SPMAP2: variants seen among roughly 807,000 people sequenced by gnomAD.
The protein encoded by SPMAP2 is sperm microtubule associated protein 2, also known as Theg homolog.
chr19:368,012 C>T, the SPMAP2 span, among the ~76,000 whole-genome samples: 252 of 152,200 alleles, frequency 1.7e-3, no homozygotes, highest in East Asian at 7.1e-3. This position sits in a 1 kb window ranked among gnomAD's most constrained non-coding sequence, Gnocchi z 4.1. Flanking sequence ...CAGTGCTGGC[C>T]GAGGCGGGAG....
chr19:367,180 C>A, the SPMAP2 span: 42 of 1,607,568 alleles, frequency 2.6e-5, no homozygotes, highest in Non-Finnish European at 3.2e-5. Flanking sequence ...GGAGGATCCG[C>A]GAGCTGGGGA....
the SPMAP2 span, chr19:362,213 C>A: frequency 3.9e-6 from 6 of 1,547,990 alleles, no homozygotes; most frequent in Non-Finnish European, 5.2e-6. Flanking sequence ...GAGGCCAGGC[C>A]TGGGTTGATC....
chr19:372,896 C>T, the SPMAP2 span, among the ~76,000 whole-genome samples: 1 of 152,186 alleles, frequency 6.6e-6, no homozygotes, highest in African/African-American at 2.4e-5. Context: ...GGACAATGGG[C>T]TCAGAGGCTT....
At chr19:362,279 C>A in the SPMAP2 span, 1 of 1,599,932 alleles carries the variant, frequency 6.3e-7, no homozygotes. Context: ...GAGGGGACGC[C>A]TGTCGTATCC....
At chr19:373,369 A>G in the SPMAP2 span, 1 of 1,123,710 alleles carries the variant, frequency 8.9e-7, no homozygotes, top group Non-Finnish European at 1.3e-6. Flanking sequence ...CTCCGAGGAG[A>G]TGGGGCAAGG....
At chr19:373,025 T>G in the SPMAP2 span, among the ~76,000 whole-genome samples, 1 of 152,126 alleles carries the variant, frequency 6.6e-6, no homozygotes. Flanking sequence ...AAAATGGGTT[T>G]TGTTCTGAAG....
chr19:365,689 C>G, the SPMAP2 span, among the ~76,000 whole-genome samples: 1 of 137,358 alleles, frequency 7.3e-6, no homozygotes, highest in Non-Finnish European at 1.5e-5. Flanking sequence ...TGAGCACACA[C>G]AGCCACACAC....
the SPMAP2 span, chr19:373,968 T>A: frequency 6.2e-7 from 1 of 1,613,632 alleles, no homozygotes; most frequent in Non-Finnish European, 8.5e-7. Context: ...AAGCTCATCT[T>A]ACATGGGGAG....
At chr19:369,866 T>G in the SPMAP2 span, among the ~76,000 whole-genome samples, 392 of 152,304 alleles carry the variant, frequency 2.6e-3, 2 homozygotes, top group African/African-American at 8.4e-3. Context: ...CAAATCACAA[T>G]AGTGGAATAT....
At chr19:364,346 AAAAAAAAAAAGAAAGAAAAAAAAAG>A in the SPMAP2 span, among the ~76,000 whole-genome samples, 3 of 151,170 alleles carry the variant, frequency 2.0e-5, no homozygotes, top group Admixed American at 6.6e-5. Flanking sequence ...CAAAAAAAAA[AAAAAAAAAAAGAAAGAAAAAAAAAG>A]AAAAAATATT....
chr19:372,519 T>C, the SPMAP2 span: 5 of 1,062,702 alleles, frequency 4.7e-6, no homozygotes, highest in Non-Finnish European at 7.1e-6. Context: ...GAACACCAGC[T>C]GTCTAGGGCT....
chr19:362,418 C>G, the SPMAP2 span: 81 of 1,601,922 alleles, frequency 5.1e-5, no homozygotes, highest in Middle Eastern at 1.2e-3. Flanking sequence ...TCCGACTGAG[C>G]TTTGGGCCCT....
the SPMAP2 span, chr19:374,619 G>T: frequency 1.5e-6 from 1 of 658,250 alleles, no homozygotes; most frequent in Non-Finnish European, 2.5e-6. Context: ...TCCACTGCTC[G>T]CTGGATGGAA....
chr19:364,207 GC>G, the SPMAP2 span, among the ~76,000 whole-genome samples: 1 of 150,512 alleles, frequency 6.6e-6, no homozygotes, highest in East Asian at 2.0e-4. Flanking sequence ...CGTGGTGGCG[GC>G]TGCCTGTAGT....
At chr19:373,947 G>T in the SPMAP2 span, 1 of 1,613,494 alleles carries the variant, frequency 6.2e-7, no homozygotes, top group Non-Finnish European at 8.5e-7. Context: ...TACCAGCAGA[G>T]ACAGAAGTGC....
At chr19:371,189 G>A in the SPMAP2 span, 1 of 1,404,732 alleles carries the variant, frequency 7.1e-7, no homozygotes, top group South Asian at 1.6e-5. Context: ...AGTCGCGGGG[G>A]GCACGGGGCA....
chr19:364,136 A>T, the SPMAP2 span, among the ~76,000 whole-genome samples: 6 of 150,574 alleles, frequency 4.0e-5, no homozygotes, highest in South Asian at 4.2e-4. Context: ...GATCGAGACC[A>T]TCCTGGCTCA....
the SPMAP2 span, among the ~76,000 whole-genome samples, chr19:365,270 T>C: frequency 6.6e-6 from 1 of 152,228 alleles, no homozygotes; most frequent in Non-Finnish European, 1.5e-5. Flanking sequence ...GGATGCGAGC[T>C]CTGCCCGGCA....
the SPMAP2 span, among the ~76,000 whole-genome samples, chr19:370,979 G>A: frequency 6.6e-6 from 1 of 152,206 alleles, no homozygotes; most frequent in Non-Finnish European, 1.5e-5. Context: ...TCCTGAGTGT[G>A]AGCTGGAAGC....
Sources: gnomAD v4.1 joint callset for allele counts (sites outside exome capture counted in the v4.1 genomes callset) on GRCh38, gnomAD v4.1.1 for gene constraint, Gnocchi (gnomAD v3.1) non-coding constraint, MANE v1.5 for transcripts, NCBI Gene and HGNC (gene_info 2026-07-23, HGNC 2026-07-21) for gene names.